Variants in ZNG1F observed in about 807,000 individuals in gnomAD.
ZNG1F encodes Zn regulated GTPase metalloprotein activator 1F.
chr9:41,166,303 C>T, the ZNG1F span, among the ~76,000 whole-genome samples: 2 of 127,954 alleles, frequency 1.6e-5, no homozygotes, highest in African/African-American at 6.0e-5. Context: ...GTGGCGGGTG[C>T]CTGTAATCCC....
the ZNG1F span, among the ~76,000 whole-genome samples, chr9:41,185,345 G>C: frequency 7.1e-6 from 1 of 141,014 alleles, no homozygotes; most frequent in Admixed American, 7.3e-5. Context: ...AGTTGCAATA[G>C]AGTCCATACA....
At chr9:41,141,253 G>A in the ZNG1F span, among the ~76,000 whole-genome samples, 5 of 151,262 alleles carry the variant, frequency 3.3e-5, no homozygotes, top group South Asian at 2.1e-4. Context: ...GAAGATAAGG[G>A]TCACAACTCA....
the ZNG1F span, chr9:41,132,125 T>C: frequency 1.3e-6 from 2 of 1,549,408 alleles, no homozygotes; most frequent in Non-Finnish European, 1.7e-6. Context: ...TTATTTAGTT[T>C]TAAAAGAGGA....
the ZNG1F span, chr9:41,131,383 T>C: frequency 2.0e-5 from 1 of 49,090 alleles, no homozygotes; most frequent in Non-Finnish European, 4.3e-5. Context: ...AATAACAATG[T>C]AATCATTATA....
chr9:41,183,796 A>G, the ZNG1F span: 5 of 1,473,410 alleles, frequency 3.4e-6, no homozygotes, highest in Non-Finnish European at 2.7e-6. Context: ...ATATTCTTTC[A>G]CTTTATTCAT....
At chr9:41,141,026 C>T in the ZNG1F span, among the ~76,000 whole-genome samples, 8 of 151,428 alleles carry the variant, frequency 5.3e-5, no homozygotes, top group African/African-American at 1.5e-4. Context: ...CCACACCCAG[C>T]CTAAAGATTT....
At chr9:41,147,679 G>GAAA in the ZNG1F span, among the ~76,000 whole-genome samples, 35 of 85,046 alleles carry the variant, frequency 4.1e-4, 1 homozygote, top group Middle Eastern at 5.4e-3. Flanking sequence ...TCTCCAAGGG[G>GAAA]AAAAAAAAAA....
At chr9:41,201,497 G>T in the ZNG1F span, among the ~76,000 whole-genome samples, 7 of 147,320 alleles carry the variant, frequency 4.8e-5, no homozygotes, top group Non-Finnish European at 9.0e-5. Context: ...ACCTTTGTAT[G>T]GATGGAAAAT....
At chr9:41,136,519 T>C in the ZNG1F span, among the ~76,000 whole-genome samples, 2 of 27,602 alleles carry the variant, frequency 7.2e-5, 1 homozygote, top group African/African-American at 1.4e-4. Flanking sequence ...ACTGGCTTCA[T>C]AGAATGATTT....
the ZNG1F span, among the ~76,000 whole-genome samples, chr9:41,166,445 CATATATAT>C: frequency 4.6e-3 from 533 of 116,966 alleles, 3 homozygotes; most frequent in Middle Eastern, 0.018. Flanking sequence ...TATTATTATA[CATATATAT>C]ATATATATAT....
chr9:41,164,884 C>T, the ZNG1F span: 16 of 670,994 alleles, frequency 2.4e-5, 2 homozygotes, highest in Middle Eastern at 8.3e-4. Context: ...GATTCCCTAA[C>T]GTTCTTGAAG....
At chr9:41,193,481 G>A in the ZNG1F span, among the ~76,000 whole-genome samples, 1 of 149,430 alleles carries the variant, frequency 6.7e-6, no homozygotes, top group Non-Finnish European at 1.5e-5. Context: ...TAAAAAACAG[G>A]TCCCAAAATA....
At chr9:41,193,269 C>A in the ZNG1F span, among the ~76,000 whole-genome samples, 2 of 135,398 alleles carry the variant, frequency 1.5e-5, no homozygotes, top group Non-Finnish European at 3.2e-5. Flanking sequence ...GATCAAAAAG[C>A]AAATTTGAGG....
chr9:41,159,202 A>C, the ZNG1F span, among the ~76,000 whole-genome samples: 3 of 150,454 alleles, frequency 2.0e-5, no homozygotes, highest in Non-Finnish European at 3.0e-5. Flanking sequence ...TGAGTCTCAT[A>C]AACAGGGTGC....
At chr9:41,184,588 G>T in the ZNG1F span, among the ~76,000 whole-genome samples, 1 of 148,142 alleles carries the variant, frequency 6.8e-6, no homozygotes, top group African/African-American at 2.5e-5. Context: ...TATACCAAAC[G>T]GTGAAGTTCT....
chr9:41,131,882 T>C, the ZNG1F span: 2 of 357,712 alleles, frequency 5.6e-6, no homozygotes, highest in Non-Finnish European at 9.9e-6. Context: ...ATTATGCTTA[T>C]TAAAATGACA....
the ZNG1F span, among the ~76,000 whole-genome samples, chr9:41,160,425 T>C: frequency 3.6e-5 from 1 of 27,738 alleles, no homozygotes; most frequent in African/African-American, 7.8e-5. Context: ...TTTGTTTGTT[T>C]GTTTGTTTTT....
At chr9:41,177,412 TAA>T in the ZNG1F span, 1 of 121,410 alleles carries the variant, frequency 8.2e-6, no homozygotes, top group Non-Finnish European at 1.7e-5. Context: ...CATTTTAGAT[TAA>T]AAAAAAAAAA....
the ZNG1F span, chr9:41,183,739 A>C: frequency 5.0e-6 from 8 of 1,599,390 alleles, no homozygotes; most frequent in Non-Finnish European, 6.8e-6. Flanking sequence ...AGATGAGGAT[A>C]ACTCAATAAT....
Sources: allele counts gnomAD v4.1 joint callset (sites outside exome capture counted in the v4.1 genomes callset), GRCh38; gene constraint gnomAD v4.1.1; transcripts MANE v1.5; gene names NCBI Gene and HGNC (gene_info 2026-07-23, HGNC 2026-07-21).